NCOA1: variants seen among roughly 807,000 people sequenced by gnomAD.
NCOA1 encodes the protein nuclear receptor coactivator 1, also known as Hin-2 protein.
In NCOA1, 35 loss-of-function variants were observed where a neutral mutation model predicts 150.9. That is an observed-to-expected ratio of 0.23 (90% CI 0.18 to 0.31). The LOEUF (loss-of-function observed/expected upper bound fraction) is 0.31, where lower values mean the gene tolerates loss of function less well. NCOA1 is among the 10% of genes least tolerant of loss of function. The probability of loss-of-function intolerance (pLI) is 1.00; values close to 1 mark genes in which losing one functional copy is unlikely to be tolerated. For missense variants in NCOA1, 1,491 were observed against 1,749.3 expected (o/e 0.85, Z 2.63); for synonymous variants, 590 against 630.0 (o/e 0.94, Z 0.95).
chr2:24,569,088 C>CT (rs1666629477), intron 2 of NCOA1, among the ~76,000 whole-genome samples: 2 of 152,046 alleles, frequency 1.3e-5, no homozygotes, highest in South Asian at 4.1e-4. Flanking sequence ...TCATATCCCA[C>CT]TTTTTTCAGA....
rs972277660 is a variant in NCOA1 at position 24,707,481 on chromosome 2, T to G, written c.2011T>G (p.Ser671Ala). The part of the protein sequence containing the change: ...TGTSNSASAN[S>A]SGGSCPSSHS... ...CACTTCCAACTCTGCCTCTGCTAAC[T>G]CTTCAGGAGGTTCTTGTCCCTCTTC... Residue 671 changes from serine to alanine, a missense_variant, in exon 13 of 23, where the codon TCT (serine) becomes GCT (alanine). Transcript: ENST00000348332. 4.4e-5 allele frequency: 71 copies of G among 1,614,090 alleles called. No homozygotes were observed. The highest frequency in any genetic ancestry group is 5.8e-5 in the Non-Finnish European group (69 of 1,180,042).
At chr2:24,571,127 T>C (rs922034543) in intron 2 of NCOA1, among the ~76,000 whole-genome samples, 4 of 151,890 alleles carry the variant, frequency 2.6e-5, no homozygotes, top group Admixed American at 1.3e-4. Flanking sequence ...TTCCTTACTA[T>C]CTCGAGTACA....
intron 14 of NCOA1, among the ~76,000 whole-genome samples, chr2:24,717,572 TATC>T (rs1360051316): frequency 2.0e-5 from 3 of 152,306 alleles, no homozygotes; most frequent in East Asian, 1.9e-4. Flanking sequence ...CCTGTGTTCA[TATC>T]ATGTATAAAT....
At chr2:24,645,509 A>AG (rs1670429075) in intron 4 of NCOA1, among the ~76,000 whole-genome samples, 1 of 130,870 alleles carries the variant, frequency 7.6e-6, no homozygotes, top group Admixed American at 7.5e-5. Flanking sequence ...GACTCCTCTC[A>AG]GAAAAAAAAA....
At chr2:24,705,417 T>C (rs1673371731) in intron 12 of NCOA1, among the ~76,000 whole-genome samples, 184 bp downstream of exon 12, 1 of 152,214 alleles carries the variant, frequency 6.6e-6, no homozygotes, top group Non-Finnish European at 1.5e-5. Flanking sequence ...GTAATAGCTT[T>C]GTTGTTCATA....
chr2:24,617,910 A>G (rs1201006710), intron 3 of NCOA1, among the ~76,000 whole-genome samples: 1 of 152,122 alleles, frequency 6.6e-6, no homozygotes, highest in East Asian at 1.9e-4. Flanking sequence ...TTTTACAGAC[A>G]GTAAAATCTC....
intron 14 of NCOA1, among the ~76,000 whole-genome samples, chr2:24,724,344 C>T (rs556178414): frequency 1.4e-4 from 21 of 152,202 alleles, no homozygotes; most frequent in Admixed American, 7.9e-4. Flanking sequence ...TTCATTTATT[C>T]TCTGGACAAA....
intron 2 of NCOA1, among the ~76,000 whole-genome samples, chr2:24,578,561 A>G (rs1667077867): frequency 6.6e-6 from 1 of 152,216 alleles, no homozygotes; most frequent in Admixed American, 6.5e-5. Flanking sequence ...TTAGCTCTTA[A>G]GGAAAAGAGT....
At chr2:24,733,232 C>T (rs1439523687) in intron 17 of NCOA1, among the ~76,000 whole-genome samples, 1 of 152,136 alleles carries the variant, frequency 6.6e-6, no homozygotes, top group Non-Finnish European at 1.5e-5. Flanking sequence ...AAATAGTGAA[C>T]TGAGGTAGTA....
intron 2 of NCOA1, among the ~76,000 whole-genome samples, chr2:24,575,764 G>A (rs1370331043): frequency 6.6e-6 from 1 of 151,852 alleles, no homozygotes; most frequent in African/African-American, 2.4e-5. Flanking sequence ...TAGTAGAGAC[G>A]GGGTTTCACT....
At chr2:24,574,416 T>C (rs866139947) in intron 2 of NCOA1, among the ~76,000 whole-genome samples, 9 of 152,138 alleles carry the variant, frequency 5.9e-5, no homozygotes, top group Non-Finnish European at 1.3e-4. Context: ...ATTAATATTA[T>C]AAAATCAGTA....
intron 3 of NCOA1, among the ~76,000 whole-genome samples, chr2:24,635,801 TTAAC>T (rs1231698156): frequency 2.6e-5 from 4 of 152,220 alleles, no homozygotes; most frequent in African/African-American, 9.6e-5. Flanking sequence ...CTTTAATAGT[TTAAC>T]TATAAGCCAA....
At chr2:24,599,740 T>G (rs1245825819) in intron 3 of NCOA1, among the ~76,000 whole-genome samples, 1 of 150,904 alleles carries the variant, frequency 6.6e-6, no homozygotes, top group East Asian at 1.9e-4. Context: ...TTTTTTTTTT[T>G]TTTTGAGACC....
At chr2:24,553,852 G>C (rs1001005593) in intron 1 of NCOA1, among the ~76,000 whole-genome samples, 1 of 152,110 alleles carries the variant, frequency 6.6e-6, no homozygotes, top group African/African-American at 2.4e-5. Flanking sequence ...TTGTAATATT[G>C]GTATGATTTC....
intron 1 of NCOA1, among the ~76,000 whole-genome samples, chr2:24,553,309 C>A (rs1665942966): frequency 6.6e-6 from 1 of 151,926 alleles, no homozygotes. Context: ...GCCTCCACCT[C>A]CCAAGTTCAA....
intron 3 of NCOA1, among the ~76,000 whole-genome samples, chr2:24,602,066 A>T (rs183133531): frequency 6.6e-6 from 1 of 152,326 alleles, no homozygotes; most frequent in Non-Finnish European, 1.5e-5. Flanking sequence ...GTTTCAAAAA[A>T]TACTCATTAT....
Position 24,768,887 on chromosome 2 carries a change from T to C in NCOA1, c.*496T>C, listed in dbSNP as rs1665200717. On this transcript the variant is annotated 3_prime_UTR_variant, in exon 23 of 23. Transcript: ENST00000348332. ...CCTCCCCATCCCAATCCCAGGCAGC[T>C]TGTGTGTACAATCAGCTTCTCTAGC... The C allele has an allele frequency of 1.3e-5, 3 of 222,520 alleles. No homozygotes were observed. Among genetic ancestry groups the C allele is most frequent in the Non-Finnish European group, 2.7e-5 (3 of 111,098 alleles). The allele number at this position is 222,520 out of a possible 1,614,324, so 13.8% of individuals were successfully genotyped here.
intron 4 of NCOA1, 58 bp from the exon 5 acceptor site, chr2:24,658,603 T>C (rs1671047656): frequency 1.5e-6 from 2 of 1,318,290 alleles, no homozygotes; most frequent in Non-Finnish European, 2.2e-6. Flanking sequence ...CTTCCCTACC[T>C]TTATTTGGTT....
intron 17 of NCOA1, among the ~76,000 whole-genome samples, chr2:24,738,749 T>A (rs969165370): frequency 2.0e-5 from 3 of 152,220 alleles, no homozygotes; most frequent in African/African-American, 7.2e-5. Flanking sequence ...CACAGCATGC[T>A]GTTTTCCCAG....
Sources: gnomAD v4.1 joint callset for allele counts (sites outside exome capture counted in the v4.1 genomes callset) on GRCh38, gnomAD v4.1.1 for gene constraint, MANE v1.5 for transcripts, NCBI Gene and HGNC (gene_info 2026-07-23, HGNC 2026-07-21) for gene names.